The following CDC25C variants were observed in gnomAD, a reference collection of about 807,000 sequenced individuals.
The protein encoded by CDC25C is cell division cycle 25C, also known as M-phase inducer phosphatase 3.
In CDC25C, 48 loss-of-function variants were observed where a neutral mutation model predicts 52.5. The ratio of observed to expected loss-of-function variants is 0.91; its 90% CI spans 0.72 to 1.16. The LOEUF is 1.16. CDC25C is among the 50% of genes most tolerant of loss of function. The probability of loss-of-function intolerance (pLI) is 0.00; values close to 1 mark genes in which losing one functional copy is unlikely to be tolerated. For synonymous variants in CDC25C, 187 were observed against 206.5 expected (o/e 0.91, Z 0.81); for missense variants, 510 against 566.1 (o/e 0.90, Z 1.01).
chr5:138,287,723 C>G (rs1756371148), intron 10 of CDC25C, among the ~76,000 whole-genome samples: 1 of 152,210 alleles, frequency 6.6e-6, no homozygotes, highest in Non-Finnish European at 1.5e-5. Context: ...ACTGAAGCTA[C>G]TTGTAGGAGT....
At chr5:138,312,657 GA>G (rs1758539427) in intron 7 of CDC25C, among the ~76,000 whole-genome samples, 1 of 152,114 alleles carries the variant, frequency 6.6e-6, no homozygotes, top group South Asian at 2.1e-4. Context: ...CAAATTTATA[GA>G]AAGTAGAATG....
chr5:138,301,763 G>T (rs1225712583), intron 7 of CDC25C, among the ~76,000 whole-genome samples: 4 of 150,342 alleles, frequency 2.7e-5, no homozygotes, highest in African/African-American at 9.8e-5. Flanking sequence ...GAGTGCAGTG[G>T]TGCTATCTCA....
chr5:138,295,958 G>C (rs961630753), intron 7 of CDC25C, among the ~76,000 whole-genome samples: 8 of 152,140 alleles, frequency 5.3e-5, no homozygotes, highest in Non-Finnish European at 1.2e-4. Flanking sequence ...CTATTAAAAG[G>C]CTTAATTAAA....
downstream of CDC25C, chr5:138,285,265 C>T (rs1756112475): frequency 5.7e-6 from 1 of 176,290 alleles, no homozygotes; most frequent in South Asian, 1.4e-4. Context: ...CTCACAATCA[C>T]ACCTCTCATT....
At chr5:138,330,508 G>GTCTTT (rs1580827389) in intron 2 of CDC25C, among the ~76,000 whole-genome samples, 2 of 152,000 alleles carry the variant, frequency 1.3e-5, no homozygotes, top group African/African-American at 4.8e-5. Flanking sequence ...TTATTTCTTT[G>GTCTTT]TCTTTTCTTT....
Position 138,287,156 on chromosome 5 carries a change from A to T in CDC25C, c.1026+13T>A, listed in dbSNP as rs371618960. On this transcript the variant is annotated intron_variant, in intron 11 of 13. Transcript: ENST00000323760. ...CCAGCCCTCCCCTACTAATGGCCAC[A>T]ATGTCGTCTCACCTGGATGTGTCCT... The T allele has an allele frequency of 6.3e-7, 1 of 1,588,918 alleles. No individual in the cohort carries two copies. The highest frequency in any genetic ancestry group is 1.3e-5 in the African/African-American group (1 of 74,382).
chr5:138,317,716 C>T (rs1759008110), intron 7 of CDC25C, among the ~76,000 whole-genome samples: 1 of 135,614 alleles, frequency 7.4e-6, no homozygotes, highest in African/African-American at 2.7e-5. Context: ...AACCAAAAAC[C>T]AAAAACCAAA....
chr5:138,285,772 G>A lies in CDC25C; in HGVS notation c.1342C>T (p.Arg448Ter), dbSNP rs1196728193. The A allele has an allele frequency of 1.2e-5, 19 of 1,614,154 alleles. No individual in the cohort carries two copies. In the East Asian group the frequency reaches 2.2e-4, roughly 19 times the overall value. Residue 448 changes from arginine to a stop codon, truncating the protein, a stop_gained, in exon 14 of 14, where the codon CGA becomes TGA. Transcript: ENST00000323760. LOFTEE classifies it low-confidence loss of function (END_TRUNC). ...QDHKTELLRC[R>*]SQSKVQEGER... Reference sequence around the variant, plus strand: ...CCTTCCTGCACTTTGCTCTGGCTTCGACACCTCAGCAACTCAGTCTTGTGG... The same window carrying A: ...CCTTCCTGCACTTTGCTCTGGCTTCAACACCTCAGCAACTCAGTCTTGTGG...
chr5:138,324,684 G>A (rs767347654), intron 6 of CDC25C, among the ~76,000 whole-genome samples: 4 of 152,082 alleles, frequency 2.6e-5, no homozygotes, highest in Non-Finnish European at 5.9e-5. Flanking sequence ...CTTGAACCCA[G>A]GAGGTAGAGG....
intron 7 of CDC25C, among the ~76,000 whole-genome samples, chr5:138,306,062 C>T (rs902004110): frequency 1.3e-5 from 2 of 152,190 alleles, no homozygotes; most frequent in African/African-American, 4.8e-5. Flanking sequence ...GTCTAGCCAG[C>T]AAGTGGTGGC....
At chr5:138,332,431 A>G (rs527256505), upstream of CDC25C, among the ~76,000 whole-genome samples, 51 of 152,098 alleles carry the variant, frequency 3.4e-4, no homozygotes, top group South Asian at 6.6e-3. Context: ...CATCTCAGAG[A>G]CTCTAGCTCA....
intron 10 of CDC25C, among the ~76,000 whole-genome samples, chr5:138,288,614 TC>T (rs1196739778): frequency 3.3e-5 from 5 of 152,044 alleles, no homozygotes; most frequent in Non-Finnish European, 5.9e-5. Flanking sequence ...GAGAATGACC[TC>T]CGGGAGGCAG....
upstream of CDC25C, among the ~76,000 whole-genome samples, chr5:138,334,178 C>G (rs1760572821): frequency 1.3e-5 from 2 of 152,078 alleles, no homozygotes. Context: ...AAATGATCCA[C>G]CCACCTCGGC....
chr5:138,330,920 C>T, intron 2 of CDC25C, 67 bp downstream of exon 2: 2 of 1,175,702 alleles, frequency 1.7e-6, no homozygotes, highest in Non-Finnish European at 2.5e-6. Flanking sequence ...GAAAACAAAC[C>T]AACAAACAAA....
intron 7 of CDC25C, among the ~76,000 whole-genome samples, chr5:138,314,859 G>A (rs1453052862): frequency 6.8e-6 from 1 of 146,546 alleles, no homozygotes; most frequent in African/African-American, 2.5e-5. Flanking sequence ...GGCTTCAGGT[G>A]ATCTGCCCAT....
intron 6 of CDC25C, among the ~76,000 whole-genome samples, chr5:138,322,775 C>G (rs1484199827): frequency 6.6e-6 from 1 of 151,142 alleles, no homozygotes; most frequent in East Asian, 1.9e-4. Context: ...GCGCCCGGCC[C>G]TGGCTAATTT....
chr5:138,338,203 C>T (rs766585607), exon 1 of CDC25C: 10 of 1,279,284 alleles, frequency 7.8e-6, no homozygotes, highest in Non-Finnish European at 1.0e-5. Flanking sequence ...CCCTACTCTC[C>T]TCAGGGACTC....
chr5:138,321,742 C>T (rs1365899461), intron 6 of CDC25C, among the ~76,000 whole-genome samples: 1 of 90,154 alleles, frequency 1.1e-5, no homozygotes, highest in Non-Finnish European at 1.9e-5. Flanking sequence ...CAGAGCAAGA[C>T]TCTGTCTCAA....
intron 1 of CDC25C, chr5:138,337,265 T>A (rs1461098566): frequency 6.6e-6 from 1 of 152,364 alleles, no homozygotes; most frequent in Non-Finnish European, 1.5e-5. Flanking sequence ...CACACTAACG[T>A]CTACATTCAA....
Sources: allele counts gnomAD v4.1 joint callset (sites outside exome capture counted in the v4.1 genomes callset), GRCh38; gene constraint gnomAD v4.1.1; transcripts MANE v1.5; gene names NCBI Gene and HGNC (gene_info 2026-07-23, HGNC 2026-07-21).